PCDH11X: variants seen among roughly 807,000 people sequenced by gnomAD.
The protein encoded by PCDH11X is protocadherin-11 X-linked.
A neutral mutation model predicts 53.3 loss-of-function variants in PCDH11X; 18 were observed. The observed-to-expected ratio is 0.34, with a 90% CI of 0.23 to 0.50. PCDH11X has a LOEUF of 0.50. PCDH11X is among the 20% of genes least tolerant of loss of function. The pLI, the probability that PCDH11X is intolerant of heterozygous loss-of-function variation, is 0.98. For missense variants in PCDH11X, 570 were observed against 1,032.4 expected (o/e 0.55, Z 6.14); for synonymous variants, 279 against 393.3 (o/e 0.71, Z 3.44).
chrX:91,784,873 A>T (rs1373801244), intron 1 of PCDH11X, among the ~76,000 whole-genome samples: 1 of 111,385 alleles, frequency 9.0e-6, no homozygotes, highest in Non-Finnish European at 1.9e-5. Context: ...GGGAAAGAAA[A>T]GCCACTCTAC....
intron 8 of PCDH11X, among the ~76,000 whole-genome samples, chrX:92,276,707 G>T (rs1333818439): frequency 8.9e-6 from 1 of 111,736 alleles, no homozygotes; most frequent in Non-Finnish European, 1.9e-5. Context: ...TGTGGGGTTT[G>T]ACGGCCAGAT....
chrX:92,458,805 T>G (rs2072969464), intron 9 of PCDH11X, among the ~76,000 whole-genome samples: 1 of 106,158 alleles, frequency 9.4e-6, no homozygotes, highest in Non-Finnish European at 1.9e-5. Flanking sequence ...CTTTCATTTC[T>G]TGGCTATTGT....
intron 6 of PCDH11X, among the ~76,000 whole-genome samples, chrX:92,189,669 G>A (rs906134896): frequency 8.9e-6 from 1 of 111,862 alleles, no homozygotes; most frequent in African/African-American, 3.2e-5. Flanking sequence ...AAACTAATTT[G>A]CACTCCTACC....
intron 4 of PCDH11X, among the ~76,000 whole-genome samples, chrX:91,825,944 G>A (rs762931569): frequency 2.8e-5 from 3 of 107,736 alleles, no homozygotes; most frequent in South Asian, 8.0e-4. Context: ...TGTGTATTAC[G>A]TAGGGAGTTG....
chrX:92,434,542 A>G (rs960149043), intron 9 of PCDH11X, among the ~76,000 whole-genome samples: 1 of 110,279 alleles, frequency 9.1e-6, no homozygotes, highest in African/African-American at 3.3e-5. Flanking sequence ...CAAAATTTAA[A>G]TTTTCTTTTC....
At chrX:92,480,190 G>T (rs2073472837) in intron 10 of PCDH11X, among the ~76,000 whole-genome samples, 1 of 111,493 alleles carries the variant, frequency 9.0e-6, no homozygotes, top group African/African-American at 3.3e-5. Context: ...GTGTTTTTCA[G>T]CTCTGTGAGC....
intron 6 of PCDH11X, among the ~76,000 whole-genome samples, chrX:92,152,680 C>A (rs1200013214): frequency 9.0e-6 from 1 of 110,618 alleles, no homozygotes; most frequent in African/African-American, 3.3e-5. Flanking sequence ...TCTTCATTAG[C>A]AAAAAACTAA....
intron 10 of PCDH11X, among the ~76,000 whole-genome samples, chrX:92,556,231 C>G (rs2075043959): frequency 9.0e-6 from 1 of 110,967 alleles, no homozygotes; most frequent in South Asian, 3.8e-4. Context: ...CTTATATACT[C>G]ACATTTCAAA....
chrX:92,006,853 G>A (rs1157371887), intron 6 of PCDH11X, among the ~76,000 whole-genome samples: 8 of 111,591 alleles, frequency 7.2e-5, no homozygotes, highest in Non-Finnish European at 1.3e-4. Context: ...TCTTGCAGAC[G>A]CATAGTGGTG....
At chrX:92,461,876 TAATA>T (rs1407942149) in intron 9 of PCDH11X, among the ~76,000 whole-genome samples, 1 of 111,973 alleles carries the variant, frequency 8.9e-6, no homozygotes, top group Non-Finnish European at 1.9e-5. Context: ...AAAAGGTGAT[TAATA>T]AATAGACAAG....
At chrX:92,224,929 G>A (rs757914184) in intron 7 of PCDH11X, among the ~76,000 whole-genome samples, 50 of 111,659 alleles carry the variant, frequency 4.5e-4, no homozygotes, top group African/African-American at 1.6e-3. Flanking sequence ...AGAATTCAGT[G>A]GGTGTCCTCC....
intron 7 of PCDH11X, among the ~76,000 whole-genome samples, chrX:92,258,509 A>T (rs1603237910): frequency 1.8e-5 from 2 of 109,198 alleles, no homozygotes. Context: ...CTGGGACTAC[A>T]GGCGCCCGCC....
chrX:92,185,596 T>C (rs1406132167), intron 6 of PCDH11X, among the ~76,000 whole-genome samples: 1 of 111,124 alleles, frequency 9.0e-6, no homozygotes, highest in Non-Finnish European at 1.9e-5. Flanking sequence ...GAGAAAATAT[T>C]TGCAAAGTAT....
At chrX:92,514,628 G>A (rs1231605964) in intron 10 of PCDH11X, among the ~76,000 whole-genome samples, 6 of 108,673 alleles carry the variant, frequency 5.5e-5, no homozygotes, top group African/African-American at 1.7e-4. Context: ...CTACTCGGGC[G>A]GCTGAGGCAG....
At position 92,431,452 on chromosome X, in the gene PCDH11X, T is replaced by G. The variant is rs758458607; in HGVS notation, c.3344-36847T>G. On this transcript the variant is annotated intron_variant, in intron 9 of 10. Transcript: ENST00000682573. ...TAAAATAGAACTCAATTTTTGTTTTTGACAAGTTTACTCACACGTATAAGG... is the reference window on the plus strand; with the variant it reads ...TAAAATAGAACTCAATTTTTGTTTTGGACAAGTTTACTCACACGTATAAGG... Among the ~76,000 whole-genome samples, 11 of 110,754 alleles carry G rather than the reference T, an allele frequency of 9.9e-5. No homozygotes were observed. In the South Asian group the frequency reaches 3.7e-3, roughly 37 times the overall value.
At chrX:92,277,594 G>A (rs2068130601) in intron 8 of PCDH11X, among the ~76,000 whole-genome samples, 1 of 108,761 alleles carries the variant, frequency 9.2e-6, no homozygotes, top group Non-Finnish European at 1.9e-5. Context: ...CTAGAAAAGT[G>A]GGAAAAGTGG....
At chrX:92,152,302 T>A (rs1201113451) in intron 6 of PCDH11X, among the ~76,000 whole-genome samples, 1 of 99,497 alleles carries the variant, frequency 1.0e-5, no homozygotes, top group East Asian at 3.1e-4. Context: ...AAATATTACT[T>A]TGTTTTGGTT....
intron 6 of PCDH11X, among the ~76,000 whole-genome samples, chrX:91,968,095 G>T (rs992515237): frequency 2.7e-5 from 3 of 111,656 alleles, no homozygotes; most frequent in African/African-American, 9.8e-5. Flanking sequence ...TGAAAAGCAA[G>T]CCTTCAAATA....
chrX:92,107,725 T>C (rs5984148), intron 6 of PCDH11X, among the ~76,000 whole-genome samples: 26,133 of 111,122 alleles, frequency 0.24, 2,858 homozygotes, highest in East Asian at 0.41. Flanking sequence ...TAAATGTATT[T>C]GATTGATGTC....
Sources: gnomAD v4.1 joint callset for allele counts (sites outside exome capture counted in the v4.1 genomes callset) on GRCh38, gnomAD v4.1.1 for gene constraint, MANE v1.5 for transcripts, NCBI Gene and HGNC (gene_info 2026-07-23, HGNC 2026-07-21) for gene names.